Variants in TTC29 observed in about 807,000 individuals in gnomAD.
TTC29 encodes the protein tetratricopeptide repeat domain 29, also known as tetratricopeptide repeat protein 29.
TTC29 carries 49 observed loss-of-function variants against 58.1 expected under a neutral mutation model. That is an observed-to-expected ratio of 0.84 (90% confidence interval 0.67 to 1.07). The LOEUF is 1.07. Among genes scored for constraint, TTC29 ranks in the 50% least tolerant of loss-of-function variants. The probability of loss-of-function intolerance (pLI) is 0.00; values close to 1 mark genes in which losing one functional copy is unlikely to be tolerated. For synonymous variants in TTC29, 209 were observed against 196.8 expected, an observed-to-expected ratio of 1.06 and a Z score of -0.52; for missense variants, 582 against 555.6, an observed-to-expected ratio of 1.05 and a Z score of -0.48.
chr4:146,812,297 T>A (rs1579732299), intron 10 of TTC29, among the ~76,000 whole-genome samples: 1 of 152,180 alleles, frequency 6.6e-6, no homozygotes, highest in African/African-American at 2.4e-5. Context: ...TTTCAATTAT[T>A]TATTGTTTTA....
chr4:146,838,066 G>A (rs1016692209), intron 8 of TTC29, among the ~76,000 whole-genome samples: 1 of 151,980 alleles, frequency 6.6e-6, no homozygotes, highest in Non-Finnish European at 1.5e-5. Flanking sequence ...TAGTTTCAGT[G>A]AGTAATGAAG....
intron 11 of TTC29, among the ~76,000 whole-genome samples, chr4:146,800,345 C>T (rs534847761): frequency 6.6e-6 from 1 of 152,256 alleles, no homozygotes; most frequent in Admixed American, 6.5e-5. Flanking sequence ...GCTCTCTGAG[C>T]TAATGATTTG....
chr4:146,837,428 G>A (rs893112464), intron 8 of TTC29, among the ~76,000 whole-genome samples: 1 of 152,020 alleles, frequency 6.6e-6, no homozygotes, highest in Admixed American at 6.6e-5. Context: ...GAAATAATCT[G>A]TAAAATAAAG....
At chr4:146,892,835 G>T (rs1429952434) in intron 6 of TTC29, among the ~76,000 whole-genome samples, 1 of 152,186 alleles carries the variant, frequency 6.6e-6, no homozygotes, top group East Asian at 1.9e-4. Flanking sequence ...CTTCAGCAAA[G>T]TCTCAGGATA....
intron 11 of TTC29, among the ~76,000 whole-genome samples, chr4:146,776,931 T>G (rs1310081546): frequency 6.6e-6 from 1 of 152,120 alleles, no homozygotes; most frequent in East Asian, 1.9e-4. Flanking sequence ...TGCCTCCATG[T>G]TTGTACTGGT....
rs1751735025 is a variant in TTC29 at position 146,820,366 on chromosome 4, T to C, written c.978-118A>G. ...CAAGATGGTTATCAGGATAATAAGA[T>C]TTAATGTGTAAATACCAAATTAAAA... On this transcript the variant is annotated intron_variant, in intron 9 of 12. Transcript: ENST00000325106. 6.9e-6 allele frequency: 8 copies of C among 1,155,014 alleles called. No individual in the cohort carries two copies. In the Admixed American group the frequency reaches 1.4e-4, roughly 21 times the overall value. 71.5% of individuals were successfully genotyped at this position (1,155,014 alleles called of 1,614,324 possible).
At chr4:146,822,390 T>C (rs939179076) in intron 9 of TTC29, among the ~76,000 whole-genome samples, 1 of 152,210 alleles carries the variant, frequency 6.6e-6, no homozygotes, top group African/African-American at 2.4e-5. Context: ...TCCAGCTTCA[T>C]CCGTGTCCCC....
At chr4:146,825,559 T>C (rs893909254) in intron 9 of TTC29, among the ~76,000 whole-genome samples, 3 of 152,228 alleles carry the variant, frequency 2.0e-5, no homozygotes, top group South Asian at 2.1e-4. Context: ...CATGTGGCAC[T>C]GAGAAGAATG....
At chr4:146,861,480 C>G (rs1730229525) in intron 8 of TTC29, among the ~76,000 whole-genome samples, 2 of 152,196 alleles carry the variant, frequency 1.3e-5, no homozygotes, top group South Asian at 4.1e-4. Context: ...ACTATTTTTT[C>G]TCTTTACCAA....
rs772663736 is a variant in TTC29, at chr4:146,820,132, T to C, written c.1094A>G (p.Asn365Ser). 7.4e-6 allele frequency: 12 copies of C among 1,612,864 alleles called. No individual in the cohort carries two copies. The highest frequency in any genetic ancestry group is 1.1e-5 in the South Asian group (1 of 91,048). The change falls in exon 10 of 13, where the codon AAT becomes AGT. Residue 365 changes from asparagine to serine, a missense_variant. Coordinates refer to ENST00000325106, the MANE Select transcript of TTC29 (RefSeq NM_031956.4). ...RASTMLGDIY[N>S]EKGYYNKASE... is the part of the protein sequence containing the mutation. ...AGAAACACATAGACTCACTTTTTCA[T>C]TGTAGATGTCCCCAAGCATTGTACT...
intron 8 of TTC29, among the ~76,000 whole-genome samples, chr4:146,858,313 T>C (rs190731878): frequency 6.6e-4 from 101 of 152,308 alleles, no homozygotes; most frequent in Non-Finnish European, 1.3e-3. Flanking sequence ...GCTCACGTGC[T>C]CTTTCTGTAC....
intron 11 of TTC29, among the ~76,000 whole-genome samples, chr4:146,778,536 G>A (rs779086725): frequency 4.6e-5 from 7 of 152,050 alleles, no homozygotes; most frequent in Non-Finnish European, 4.4e-5. Context: ...TGTTTCATAT[G>A]TGCTTGAAAA....
rs538112260 is a variant in TTC29 at position 146,907,340 on chromosome 4, C to G, written c.400+1686G>C. On this transcript the variant is annotated intron_variant, in intron 5 of 12. Coordinates refer to ENST00000325106, the MANE Select transcript of TTC29 (RefSeq NM_031956.4). ...AAGTGACATATTTAGCTTATATTTA[C>G]ACTATCTCCAATGAAAGCCTCAATT... Among the ~76,000 whole-genome samples, 10 of 152,248 alleles carry G rather than the reference C, an allele frequency of 6.6e-5. No individual in the cohort carries two copies. In the South Asian group the frequency reaches 2.1e-3, roughly 32 times the overall value.
At chr4:146,882,642 A>G (rs1398549664) in intron 6 of TTC29, among the ~76,000 whole-genome samples, 1 of 152,072 alleles carries the variant, frequency 6.6e-6, no homozygotes, top group African/African-American at 2.4e-5. Context: ...ATTGCTCATG[A>G]TTTTATATAA....
At chr4:146,846,845 C>T (rs1729204727) in intron 8 of TTC29, among the ~76,000 whole-genome samples, 1 of 152,154 alleles carries the variant, frequency 6.6e-6, no homozygotes, top group Non-Finnish European at 1.5e-5. Context: ...ATTGTAGTTT[C>T]CTTTTCTCAG....
chr4:146,848,989 T>C (rs1171248513), intron 8 of TTC29, among the ~76,000 whole-genome samples: 1 of 152,162 alleles, frequency 6.6e-6, no homozygotes, highest in Non-Finnish European at 1.5e-5. Flanking sequence ...CCAGTCTTGT[T>C]CTTCTTGCTT....
chr4:146,920,164 A>G (rs1734486902), intron 4 of TTC29, among the ~76,000 whole-genome samples: 1 of 151,176 alleles, frequency 6.6e-6, no homozygotes. Flanking sequence ...TCTTTTGCAG[A>G]GTTTAGAAAA....
chr4:146,826,103 A>T (rs1255343786), intron 9 of TTC29, among the ~76,000 whole-genome samples: 1 of 152,130 alleles, frequency 6.6e-6, no homozygotes, highest in Non-Finnish European at 1.5e-5. Flanking sequence ...CATTTGGCCC[A>T]CTTACATTTA....
intron 11 of TTC29, among the ~76,000 whole-genome samples, chr4:146,767,998 A>G (rs1307047239): frequency 2.0e-5 from 3 of 152,058 alleles, no homozygotes; most frequent in Admixed American, 1.3e-4. Context: ...TTCTATGAAC[A>G]TATATATTAT....
Sources: gnomAD v4.1 joint callset for allele counts (sites outside exome capture counted in the v4.1 genomes callset) on GRCh38, gnomAD v4.1.1 for gene constraint, MANE v1.5 for transcripts, NCBI Gene and HGNC (gene_info 2026-07-23, HGNC 2026-07-21) for gene names.